Variants in NEDD4L observed in about 807,000 individuals in gnomAD.
The protein encoded by NEDD4L is NEDD4 like E3 ubiquitin protein ligase, also known as E3 ubiquitin-protein ligase NEDD4-like.
NEDD4L carries 54 observed loss-of-function variants against 148.9 expected under a neutral mutation model. The ratio of observed to expected loss-of-function variants is 0.36; its 90% CI spans 0.29 to 0.45. The LOEUF is 0.45. Ranked by LOEUF, NEDD4L falls within the 20% of genes least tolerant of loss-of-function variation. NEDD4L has a pLI of 1.00. For missense variants in NEDD4L, 856 were observed against 1,233.8 expected (o/e 0.69, Z 4.59); for synonymous variants, 433 against 440.7 (o/e 0.98, Z 0.22).
At chr18:58,191,154 G>C (rs1421925001) in intron 2 of NEDD4L, among the ~76,000 whole-genome samples, 1 of 152,154 alleles carries the variant, frequency 6.6e-6, no homozygotes, top group African/African-American at 2.4e-5. Flanking sequence ...ACAAAAACTA[G>C]TGATAAAAAG....
At chr18:58,053,872 A>G (rs2081986556) in intron 1 of NEDD4L, among the ~76,000 whole-genome samples, 1 of 152,222 alleles carries the variant, frequency 6.6e-6, no homozygotes, top group African/African-American at 2.4e-5. Flanking sequence ...GAATGTTGGA[A>G]AATGCAAAGC....
chr18:58,376,793 A>G (rs533127480), intron 24 of NEDD4L, among the ~76,000 whole-genome samples: 13 of 152,322 alleles, frequency 8.5e-5, no homozygotes, highest in African/African-American at 3.1e-4. Flanking sequence ...TTGTCCCACA[A>G]GGTCCTGCGT....
chr18:58,341,929 T>A, intron 15 of NEDD4L, 132 bp downstream of exon 15: 2 of 1,032,024 alleles, frequency 1.9e-6, no homozygotes, highest in Non-Finnish European at 2.9e-6. Flanking sequence ...TAGTGAAGGG[T>A]GTTCTTGTGC....
chr18:58,079,562 G>A (rs1387724598), intron 1 of NEDD4L, among the ~76,000 whole-genome samples: 4 of 152,214 alleles, frequency 2.6e-5, no homozygotes, highest in Non-Finnish European at 4.4e-5. Flanking sequence ...GTCATAGCTG[G>A]GAAGTGGCAG....
At chr18:58,191,429 C>T (rs2040106483) in intron 2 of NEDD4L, among the ~76,000 whole-genome samples, 1 of 152,120 alleles carries the variant, frequency 6.6e-6, no homozygotes, top group Non-Finnish European at 1.5e-5. Context: ...AGATCAAGGG[C>T]CTGGCTTTTG....
intron 2 of NEDD4L, among the ~76,000 whole-genome samples, chr18:58,171,874 A>G (rs1281701967): frequency 6.6e-6 from 1 of 152,224 alleles, no homozygotes; most frequent in Non-Finnish European, 1.5e-5. Context: ...AGCAAGCTCA[A>G]GAGTGGGCTC....
intron 5 of NEDD4L, among the ~76,000 whole-genome samples, chr18:58,302,658 G>C (rs2056630304): frequency 6.6e-6 from 1 of 152,196 alleles, no homozygotes; most frequent in Non-Finnish European, 1.5e-5. Context: ...ACTTGCAGCA[G>C]CCTTTCATAT....
chr18:58,169,144 C>A (rs992860492), intron 2 of NEDD4L, among the ~76,000 whole-genome samples: 10 of 152,200 alleles, frequency 6.6e-5, no homozygotes, highest in Non-Finnish European at 4.4e-5. Context: ...ATGCCCTTGT[C>A]CTTTTCGGCC....
chr18:58,224,981 C>A (rs1050797579), intron 2 of NEDD4L, among the ~76,000 whole-genome samples: 1 of 151,972 alleles, frequency 6.6e-6, no homozygotes, highest in African/African-American at 2.4e-5. Flanking sequence ...AATTTATTTT[C>A]TTTAAATTAT....
intron 2 of NEDD4L, among the ~76,000 whole-genome samples, chr18:58,177,512 G>A (rs549790008): frequency 3.3e-5 from 5 of 152,296 alleles, no homozygotes; most frequent in South Asian, 2.1e-4. Context: ...GAAGGGACTC[G>A]TTTCTCTGAA....
intron 24 of NEDD4L, among the ~76,000 whole-genome samples, chr18:58,378,622 A>T (rs2047897460): frequency 6.6e-6 from 1 of 152,078 alleles, no homozygotes; most frequent in African/African-American, 2.4e-5. Context: ...GCTGGGGAGG[A>T]TGAGGAAGGC....
rs143760833 is a variant in NEDD4L at position 58,189,584 on chromosome 18, C to T, written c.122+23723C>T. 4.2e-3 allele frequency among the ~76,000 whole-genome samples: 639 copies of T among 152,272 alleles called. 3 individuals are homozygous for T. Among genetic ancestry groups the T allele is most frequent in the African/African-American group, 0.014 (597 of 41,564 alleles). ...AGCAGCCCTCAATTCCAATAACGAA[C>T]GTGTAAATCAGAATTCAGGTGTGTT... On this transcript the variant is annotated intron_variant, in intron 2 of 30. Transcript: ENST00000400345.
chr18:58,279,169 G>T (rs2052614940), intron 5 of NEDD4L, among the ~76,000 whole-genome samples: 2 of 152,104 alleles, frequency 1.3e-5, no homozygotes, highest in Non-Finnish European at 2.9e-5. Flanking sequence ...GATCCACCAT[G>T]CCTGGCCGAT....
chr18:58,209,554 G>A (rs2042394683), intron 2 of NEDD4L, among the ~76,000 whole-genome samples: 2 of 126,588 alleles, frequency 1.6e-5, no homozygotes, highest in Admixed American at 1.9e-4. Flanking sequence ...GACTCATAAC[G>A]TTTTCATCTT....
intron 2 of NEDD4L, among the ~76,000 whole-genome samples, chr18:58,200,655 A>C (rs1050549860): frequency 6.6e-6 from 1 of 152,212 alleles, no homozygotes; most frequent in Admixed American, 6.5e-5. Context: ...CGTGAACCCC[A>C]TTCCTGCCCC....
At chr18:58,370,276 C>G (rs1359889355) in intron 22 of NEDD4L, 121 bp from the exon 23 acceptor site, 2 of 685,410 alleles carry the variant, frequency 2.9e-6, no homozygotes, top group Non-Finnish European at 5.3e-6. Context: ...TGTAGAAGGC[C>G]CTTGGTTACT....
intron 24 of NEDD4L, among the ~76,000 whole-genome samples, chr18:58,377,938 C>T (rs1167298181): frequency 2.0e-5 from 3 of 152,074 alleles, no homozygotes; most frequent in Non-Finnish European, 4.4e-5. Context: ...GGAGACAGGA[C>T]TTCATCATAT....
intron 2 of NEDD4L, chr18:58,227,786 C>G (rs2044552842): frequency 1.7e-6 from 1 of 581,534 alleles, no homozygotes; most frequent in South Asian, 7.8e-5. Flanking sequence ...TATTAATTGC[C>G]TCTTGTTCAA....
chr18:58,101,914 T>C (rs2145502733), intron 1 of NEDD4L, among the ~76,000 whole-genome samples: 1 of 152,336 alleles, frequency 6.6e-6, no homozygotes, highest in African/African-American at 2.4e-5. Context: ...GGTATTATTT[T>C]AAATTAGTAT....
Sources: gnomAD v4.1 joint callset for allele counts (sites outside exome capture counted in the v4.1 genomes callset) on GRCh38, gnomAD v4.1.1 for gene constraint, MANE v1.5 for transcripts, NCBI Gene and HGNC (gene_info 2026-07-23, HGNC 2026-07-21) for gene names.